The following FCGR1A variants were observed in gnomAD, a reference collection of about 807,000 sequenced individuals.
The protein encoded by FCGR1A is Fc gamma receptor Ia, also known as high affinity immunoglobulin gamma Fc receptor I.
A neutral mutation model predicts 35.0 loss-of-function variants in FCGR1A; 13 were observed. The observed-to-expected ratio is 0.37, with a 90% CI of 0.24 to 0.59. The LOEUF (loss-of-function observed/expected upper bound fraction) is 0.59. FCGR1A is among the 20% of genes least tolerant of loss of function. The pLI is 0.71. For missense variants in FCGR1A, 227 were observed against 430.0 expected (o/e 0.53, Z 4.17); for synonymous variants, 91 against 164.7 (o/e 0.55, Z 3.43).
Position 149,788,454 on chromosome 1 carries a change from G to A in FCGR1A, c.396G>A (p.Val132=). ...GTCATGCGTGGAAGGATAAGCTGGT[G>A]TACAATGTGCTTTACTATCGAAATG... ...LRCHAWKDKL[V]YNVLYYRNGK... is the part of the protein sequence containing the mutation. Residue 132 remains valine (V), a synonymous_variant, in exon 4 of 6, where the codon GTG becomes GTA. Coordinates refer to ENST00000369168, the MANE Select transcript of FCGR1A (RefSeq NM_000566.4). The A allele has an allele frequency of 7.4e-6, 12 of 1,613,716 alleles. No homozygotes were observed. The highest frequency in any genetic ancestry group is 1.0e-5 in the Non-Finnish European group (12 of 1,179,762).
intron 4 of FCGR1A, 30 bp downstream of exon 4, chr1:149,788,647 T>C (rs1553751233): frequency 5.0e-6 from 8 of 1,613,798 alleles, no homozygotes; most frequent in South Asian, 1.1e-5. Flanking sequence ...ATAGAACTGA[T>C]AGTCCCTCCC....
intron 3 of FCGR1A, chr1:149,787,262 A>G (rs1255280299): frequency 6.6e-6 from 1 of 152,242 alleles, no homozygotes; most frequent in African/African-American, 2.4e-5. Context: ...CCATTCTTAG[A>G]TAAGTTCTGG....
At position 149,784,077 on chromosome 1, in the gene FCGR1A, T is replaced by C; in HGVS notation, c.127T>C (p.Cys43Arg). 1 of 1,611,542 alleles carries C rather than the reference T, an allele frequency of 6.2e-7. No individual in the cohort carries two copies. The highest frequency in any genetic ancestry group is 2.2e-5 in the East Asian group (1 of 44,828). ...VFQEETVTLHCEVLHLPGSSS... is the reference protein window; with the variant it reads ...VFQEETVTLHREVLHLPGSSS... ...CCAAGAGGAAACCGTAACCTTGCAC[T>C]GTGAGGTGCTCCATCTGCCTGGGAG... The change falls in exon 3 of 6, where the codon TGT (cysteine) becomes CGT (arginine). Residue 43 changes from cysteine to arginine, a missense_variant. Transcript: ENST00000369168.
the FCGR1A span, among the ~76,000 whole-genome samples, chr1:149,797,825 A>T: frequency 6.6e-6 from 1 of 152,184 alleles, no homozygotes; most frequent in African/African-American, 2.4e-5. Context: ...CTCCAATTCC[A>T]GAGGCAATAA....
intron 4 of FCGR1A, among the ~76,000 whole-genome samples, chr1:149,789,323 G>A (rs150770423): frequency 6.6e-6 from 1 of 152,056 alleles, no homozygotes; most frequent in Non-Finnish European, 1.5e-5. Context: ...AACCCGGGAA[G>A]CGGAGCTTGC....
chr1:149,790,503 TCTC>T (rs1227937622), intron 5 of FCGR1A, 165 bp downstream of exon 5: 45 of 1,147,752 alleles, frequency 3.9e-5, no homozygotes, highest in Admixed American at 7.9e-5. Context: ...ACATCACTCT[TCTC>T]CTCGCAAACT....
At chr1:149,793,031 C>A, downstream of FCGR1A, 2 of 1,264,444 alleles carry the variant, frequency 1.6e-6, no homozygotes, top group Non-Finnish European at 2.0e-6. Flanking sequence ...CCCGGGCCCG[C>A]CAGCTCCCGG....
chr1:149,794,315 T>G (rs1258630373), downstream of FCGR1A, among the ~76,000 whole-genome samples: 2 of 151,758 alleles, frequency 1.3e-5, no homozygotes, highest in Non-Finnish European at 2.9e-5. Context: ...AATATTCCAT[T>G]GACAGAATTG....
chr1:149,790,259 T>G lies in FCGR1A; in HGVS notation c.765T>G (p.Ser255=). The G allele has an allele frequency of 6.2e-7, 1 of 1,600,634 alleles. No individual in the cohort carries two copies. Among genetic ancestry groups the G allele is most frequent in the Non-Finnish European group, 8.5e-7 (1 of 1,173,536 alleles). The part of the protein sequence containing the change: ...YQILTARRED[S]GLYWCEAATE... ...TACTAACTGCTAGAAGAGAAGACTC[T>G]GGGTTATACTGGTGCGAGGCTGCCA... The change falls in exon 5 of 6, where the codon TCT becomes TCG. Residue 255 remains serine, a synonymous_variant. Coordinates refer to ENST00000369168, the MANE Select transcript of FCGR1A (RefSeq NM_000566.4).
chr1:149,786,082 TG>T (rs1377934546), intron 3 of FCGR1A: 3 of 152,176 alleles, frequency 2.0e-5, no homozygotes, highest in African/African-American at 4.8e-5. Flanking sequence ...TGGATATTTT[TG>T]TTTACATGTT....
downstream of FCGR1A, chr1:149,794,085 G>A (rs1325986932): frequency 2.3e-5 from 12 of 514,406 alleles, no homozygotes; most frequent in East Asian, 1.4e-4. Context: ...CAGATTCCTC[G>A]GGCTGTAGAG....
At chr1:149,790,734 A>C (rs1472276729) in intron 5 of FCGR1A, among the ~76,000 whole-genome samples, 1 of 148,086 alleles carries the variant, frequency 6.8e-6, no homozygotes, top group Non-Finnish European at 1.5e-5. Context: ...CAATTTATCA[A>C]GTTCTTCCTA....
At chr1:149,789,298 C>T (rs2091636023) in intron 4 of FCGR1A, among the ~76,000 whole-genome samples, 1 of 152,022 alleles carries the variant, frequency 6.6e-6, no homozygotes, top group Non-Finnish European at 1.5e-5. Context: ...GAGGCTGAGG[C>T]AGGAGAATAG....
chr1:149,787,366 A>G (rs1367606828), intron 3 of FCGR1A: 1 of 152,230 alleles, frequency 6.6e-6, no homozygotes, highest in Non-Finnish European at 1.5e-5. Flanking sequence ...AGAAAAGAAA[A>G]GTAGTTGAAG....
chr1:149,793,314 C>G, downstream of FCGR1A: 1 of 1,156,296 alleles, frequency 8.6e-7, no homozygotes, highest in Non-Finnish European at 1.1e-6. Flanking sequence ...GAGGACCTCC[C>G]AGCTGGTTCC....
chr1:149,793,070 T>C (rs1314913878), downstream of FCGR1A: 3 of 1,273,326 alleles, frequency 2.4e-6, no homozygotes, highest in Non-Finnish European at 3.0e-6. Flanking sequence ...CTGGCGGCCG[T>C]CTGTGGAGGT....
At chr1:149,795,981 A>T (rs2091796128), downstream of FCGR1A, among the ~76,000 whole-genome samples, 1 of 151,400 alleles carries the variant, frequency 6.6e-6, no homozygotes, top group Non-Finnish European at 1.5e-5. Flanking sequence ...TCACACACAC[A>T]CAAAGCTAGT....
chr1:149,790,062 C>G lies in FCGR1A; in HGVS notation c.568C>G (p.Pro190Ala), dbSNP rs200418525. Reference sequence around the variant, plus strand: ...ATCAACTTTCTCCTTAGAGCTATTTCCAGCTCCAGTGCTGAATGCATCTGT... The same window carrying G: ...ATCAACTTTCTCCTTAGAGCTATTTGCAGCTCCAGTGCTGAATGCATCTGT... Reference protein sequence around the residue: ...GISVTVKELFPAPVLNASVTS... With the variant: ...GISVTVKELFAAPVLNASVTS... Residue 190 changes from proline (P) to alanine (A), a missense_variant, in exon 5 of 6, where the codon CCA becomes GCA. Coordinates refer to ENST00000369168, the MANE Select transcript of FCGR1A (RefSeq NM_000566.4). 29 of 1,613,594 alleles carry G rather than the reference C, an allele frequency of 1.8e-5. No homozygotes were observed. Among genetic ancestry groups the G allele is most frequent in the Non-Finnish European group, 2.1e-5 (25 of 1,179,872 alleles).
the FCGR1A span, among the ~76,000 whole-genome samples, chr1:149,798,613 G>A: frequency 4.8e-5 from 7 of 145,422 alleles, no homozygotes; most frequent in Non-Finnish European, 7.5e-5. Context: ...TTTTTAAACC[G>A]ACTTTAAAAA....
Sources: gnomAD v4.1 joint callset for allele counts (sites outside exome capture counted in the v4.1 genomes callset) on GRCh38, gnomAD v4.1.1 for gene constraint, MANE v1.5 for transcripts, NCBI Gene and HGNC (gene_info 2026-07-23, HGNC 2026-07-21) for gene names.